The following LMX1A variants were observed in gnomAD, a reference collection of about 807,000 sequenced individuals.
LMX1A encodes the protein LIM homeobox transcription factor 1-alpha.
In LMX1A, 15 loss-of-function variants were observed where a neutral mutation model predicts 49.1. The observed-to-expected ratio is 0.31, with a 90% confidence interval of 0.20 to 0.47. The LOEUF (loss-of-function observed/expected upper bound fraction) is 0.47. Among genes scored for constraint, LMX1A ranks in the 20% least tolerant of loss-of-function variants. The pLI, the probability that LMX1A is intolerant of heterozygous loss-of-function variation, is 1.00. For missense variants in LMX1A, 372 were observed against 475.8 expected, an observed-to-expected ratio of 0.78 and a Z score of 2.03; for synonymous variants, 167 against 185.7, an observed-to-expected ratio of 0.90 and a Z score of 0.82.
At chr1:165,253,984 C>G (rs1308373804) in intron 3 of LMX1A, among the ~76,000 whole-genome samples, 1 of 152,130 alleles carries the variant, frequency 6.6e-6, no homozygotes, top group Non-Finnish European at 1.5e-5. Context: ...GGCCCCAAGT[C>G]CCCGGTTGCT....
At chr1:165,284,482 A>G (rs377292788) in intron 3 of LMX1A, among the ~76,000 whole-genome samples, 10 of 152,328 alleles carry the variant, frequency 6.6e-5, no homozygotes, top group African/African-American at 2.4e-4. Flanking sequence ...GTCAAAGCTA[A>G]TATTAAGAGT....
rs10708273 is a variant in LMX1A, at chr1:165,245,631, C to CA, written c.496+3776dup. On this transcript the variant is annotated intron_variant, in intron 4 of 8. Transcript: ENST00000342310. ...TATTCTAAATGTGCTCTGACCAGGG[C>CA]AAAAAAAAAAAAAATACTGAAACTA... Among the ~76,000 whole-genome samples the CA allele has an allele frequency of 8.3e-3, 1,186 of 142,910 alleles. 6 individuals are homozygous for CA. The highest frequency in any genetic ancestry group is 0.019 in the African/African-American group (729 of 38,766). The allele number at this position is 142,910 out of a possible 152,430, so 93.8% of individuals were successfully genotyped here.
intron 3 of LMX1A, among the ~76,000 whole-genome samples, chr1:165,276,635 A>G (rs560486160): frequency 6.6e-6 from 1 of 150,600 alleles, no homozygotes; most frequent in East Asian, 1.9e-4. Flanking sequence ...GCTATACTAC[A>G]TGATGCAGTG....
intron 3 of LMX1A, among the ~76,000 whole-genome samples, chr1:165,303,897 A>G (rs1201243323): frequency 2.0e-5 from 3 of 152,136 alleles, no homozygotes; most frequent in Non-Finnish European, 4.4e-5. Flanking sequence ...TTCCACGCAG[A>G]TATTATATCT....
chr1:165,215,236 G>T (rs1046332953), intron 4 of LMX1A, among the ~76,000 whole-genome samples: 2 of 152,108 alleles, frequency 1.3e-5, no homozygotes, highest in Non-Finnish European at 2.9e-5. Flanking sequence ...GCTTGAATCC[G>T]GGAGGTGGAA....
rs1262685655 is a variant in LMX1A, at chr1:165,327,275, G to A, written c.263+25801C>T. 4.6e-5 allele frequency among the ~76,000 whole-genome samples: 7 copies of A among 152,176 alleles called. No homozygotes were observed. In the East Asian group the frequency reaches 1.2e-3, roughly 25 times the overall value. ...AAGCAGCAGTACTCCAAGGAGAGAA[G>A]AAATCCAAGTGCAACCCAAACAATG... On this transcript the variant is annotated intron_variant, in intron 3 of 8. Coordinates refer to ENST00000342310, the MANE Select transcript of LMX1A (RefSeq NM_177398.4).
rs144312815 is a variant in LMX1A at position 165,203,559 on chromosome 1, G to A, written c.*321C>T. The A allele has an allele frequency of 2.4e-3, 480 of 203,160 alleles. No individual in the cohort carries two copies. Among genetic ancestry groups the A allele is most frequent in the Middle Eastern group, 0.011 (5 of 476 alleles). 12.6% of individuals were successfully genotyped at this position (203,160 alleles called of 1,614,324 possible). A position where few individuals can be genotyped will look rare whatever the true frequency, so the allele number is the denominator to read the frequency against. On this transcript the variant is annotated 3_prime_UTR_variant, in exon 9 of 9. Coordinates refer to ENST00000342310, the MANE Select transcript of LMX1A (RefSeq NM_177398.4). ...TGCACCTCTTGACAAGAGCTTCCCC[G>A]ACATGGTGGGAAGTTGTTAGGAGTC...
chr1:165,347,819 T>C (rs1350795023), intron 3 of LMX1A, among the ~76,000 whole-genome samples: 1 of 152,252 alleles, frequency 6.6e-6, no homozygotes, highest in Non-Finnish European at 1.5e-5. Context: ...GATCATATCA[T>C]GAGTATTTTA....
At chr1:165,328,544 T>C (rs2101750192) in intron 3 of LMX1A, among the ~76,000 whole-genome samples, 1 of 152,296 alleles carries the variant, frequency 6.6e-6, no homozygotes, top group Admixed American at 6.5e-5. Context: ...ATATTTACAA[T>C]GCACCTGTGC....
At chr1:165,345,184 G>A (rs1245705750) in intron 3 of LMX1A, among the ~76,000 whole-genome samples, 1 of 152,166 alleles carries the variant, frequency 6.6e-6, no homozygotes, top group Non-Finnish European at 1.5e-5. Flanking sequence ...GTTTTGTTTT[G>A]TTTCGAAAAG....
chr1:165,324,595 G>A (rs2101746840), intron 3 of LMX1A, among the ~76,000 whole-genome samples: 1 of 152,238 alleles, frequency 6.6e-6, no homozygotes, highest in East Asian at 1.9e-4. Context: ...GAAAAGGAAT[G>A]TTTGCAACTA....
intron 3 of LMX1A, among the ~76,000 whole-genome samples, chr1:165,257,875 C>A (rs957510355): frequency 2.6e-5 from 4 of 152,156 alleles, no homozygotes; most frequent in Admixed American, 2.6e-4. Context: ...CCATGAAAAA[C>A]CCTGATGCCA....
chr1:165,203,992 C>T lies in LMX1A; in HGVS notation c.1037G>A (p.Ser346Asn), dbSNP rs1650958293. 7 of 1,614,114 alleles carry T rather than the reference C, an allele frequency of 4.3e-6. No individual in the cohort carries two copies. The East Asian group carries it at 1.6e-4, about 36-fold the overall frequency. Residue 346 changes from serine (S) to asparagine (N), a missense_variant, in exon 9 of 9, where the codon AGT (serine) becomes AAT (asparagine). By Grantham distance (46) the Ser-to-Asn change is conservative. This residue lies in a region of LMX1A where 127 missense variants were observed against 138.0 expected (regional missense o/e 0.92). Coordinates refer to ENST00000342310, the MANE Select transcript of LMX1A (RefSeq NM_177398.4). ...TGCTAGGAAACAATCACCCAGGTTA[C>T]TGAGGGAGGTGTCGTCGCTATCCAG... The part of the protein sequence containing the change: ...HDLDSDDTSL[S>N]NLGDCFLATS...
At chr1:165,304,106 G>A (rs1418060005) in intron 3 of LMX1A, among the ~76,000 whole-genome samples, 2 of 152,074 alleles carry the variant, frequency 1.3e-5, no homozygotes, top group African/African-American at 2.4e-5. Context: ...TCAGAATGGA[G>A]GTGGTGAAGC....
rs148606278 is a variant in LMX1A, at chr1:165,258,726, G to A, written c.264-9086C>T. Reference sequence around the variant, plus strand: ...TTCATCTATCACAAATGTTGCTGGCGATGGGTGGTTTCTACCTTGAAATGG... The same window carrying A: ...TTCATCTATCACAAATGTTGCTGGCAATGGGTGGTTTCTACCTTGAAATGG... On this transcript the variant is annotated intron_variant, in intron 3 of 8. Coordinates refer to ENST00000342310, the MANE Select transcript of LMX1A (RefSeq NM_177398.4). Among the ~76,000 whole-genome samples the A allele has an allele frequency of 1.2e-4, 19 of 152,274 alleles. 1 individual carries two copies. The East Asian group carries it at 3.1e-3, about 25-fold the overall frequency.
intron 3 of LMX1A, among the ~76,000 whole-genome samples, chr1:165,285,787 C>A (rs940611951): frequency 6.6e-6 from 1 of 152,148 alleles, no homozygotes. Flanking sequence ...CCTTTATTAG[C>A]CCAATGGACC....
At chr1:165,344,837 C>T (rs975581293) in intron 3 of LMX1A, among the ~76,000 whole-genome samples, 6 of 152,248 alleles carry the variant, frequency 3.9e-5, no homozygotes, top group Admixed American at 1.3e-4. Context: ...ACCTTCTCCT[C>T]TCAACTGCCC....
intron 3 of LMX1A, among the ~76,000 whole-genome samples, chr1:165,338,492 C>G (rs1343590413): frequency 6.6e-6 from 1 of 152,202 alleles, no homozygotes; most frequent in African/African-American, 2.4e-5. Context: ...TCCAACAATC[C>G]CACTGTGTCC....
At chr1:165,333,034 G>A (rs1455549520) in intron 3 of LMX1A, among the ~76,000 whole-genome samples, 1 of 152,166 alleles carries the variant, frequency 6.6e-6, no homozygotes, top group Admixed American at 6.5e-5. Flanking sequence ...CCATCACTTA[G>A]CCTCTTGGAG....
Sources: allele counts gnomAD v4.1 joint callset (sites outside exome capture counted in the v4.1 genomes callset), GRCh38; gene constraint gnomAD v4.1.1; regional missense constraint gnomAD v4.1.1; transcripts MANE v1.5; gene names NCBI Gene and HGNC (gene_info 2026-07-23, HGNC 2026-07-21).